Variants in UGGT2 observed in about 807,000 individuals in gnomAD.
UGGT2 encodes the protein UDP-glucose:glycoprotein glucosyltransferase 2.
UGGT2 carries 180 observed loss-of-function variants against 192.1 expected under a neutral mutation model. The ratio of observed to expected loss-of-function variants is 0.94; its 90% CI spans 0.83 to 1.06. The LOEUF (loss-of-function observed/expected upper bound fraction) is 1.06. Ranked by LOEUF, UGGT2 falls within the 50% of genes least tolerant of loss-of-function variation. UGGT2 has a pLI of 0.00. For synonymous variants in UGGT2, 580 were observed against 591.0 expected (o/e 0.98, Z 0.27); for missense variants, 1,849 against 1,795.7 (o/e 1.03, Z -0.54).
At chr13:96,011,604 A>T (rs2052164286) in intron 5 of UGGT2, among the ~76,000 whole-genome samples, 1 of 152,120 alleles carries the variant, frequency 6.6e-6, no homozygotes, top group Admixed American at 6.5e-5. Flanking sequence ...TTTGAGAGAC[A>T]GTTTGGTATA....
intron 26 of UGGT2, 51 bp from the exon 27 acceptor site, chr13:95,884,731 T>C: frequency 2.0e-6 from 3 of 1,495,516 alleles, no homozygotes; most frequent in Non-Finnish European, 2.7e-6. Context: ...GAGATTTTTC[T>C]TTTAAAATAT....
intron 36 of UGGT2, among the ~76,000 whole-genome samples, chr13:95,852,252 C>T (rs1889124786): frequency 6.6e-6 from 1 of 152,100 alleles, no homozygotes; most frequent in South Asian, 2.1e-4. Flanking sequence ...CATCTTTATC[C>T]CAACCATACT....
At chr13:95,896,652 G>A (rs958794763) in intron 22 of UGGT2, among the ~76,000 whole-genome samples, 1 of 152,036 alleles carries the variant, frequency 6.6e-6, no homozygotes, top group Non-Finnish European at 1.5e-5. Flanking sequence ...AAATTTACCA[G>A]AAAACTGGCT....
chr13:95,818,697 C>A (rs972842598), intron 38 of UGGT2, among the ~76,000 whole-genome samples: 18 of 152,056 alleles, frequency 1.2e-4, no homozygotes, highest in African/African-American at 4.3e-4. Flanking sequence ...GGACTGATTA[C>A]TGGGGAGGCA....
At chr13:95,915,205 C>A (rs1293699346) in intron 20 of UGGT2, among the ~76,000 whole-genome samples, 3 of 152,146 alleles carry the variant, frequency 2.0e-5, no homozygotes, top group African/African-American at 7.2e-5. Flanking sequence ...CCCTCAATTC[C>A]TTCAGGTCAT....
In UGGT2 at chr13:95,828,647, A is replaced by G. The variant is rs570238594; in HGVS notation, c.4528+4280T>C. On this transcript the variant is annotated intron_variant, in intron 38 of 38. Coordinates refer to ENST00000376747, the MANE Select transcript of UGGT2 (RefSeq NM_020121.4). ...AAGTTGAATCCCTCAATAGACCAAG[A>G]ACAGACTCTGAAATTGAGGCAATAA... is the stretch of plus-strand genomic sequence containing the variant. Among the ~76,000 whole-genome samples, 22 of 152,292 alleles carry G rather than the reference A, an allele frequency of 1.4e-4. No individual in the cohort carries two copies. In the East Asian group the frequency reaches 4.2e-3, roughly 29 times the overall value.
chr13:95,967,836 A>G (rs772244801), intron 12 of UGGT2, among the ~76,000 whole-genome samples: 2 of 152,198 alleles, frequency 1.3e-5, no homozygotes, highest in Non-Finnish European at 2.9e-5. Context: ...GTTTTTATCA[A>G]TAGGTATTGA....
At chr13:95,907,514 C>T (rs2140318747) in intron 20 of UGGT2, among the ~76,000 whole-genome samples, 1 of 152,304 alleles carries the variant, frequency 6.6e-6, no homozygotes, top group Non-Finnish European at 1.5e-5. Context: ...CGACAGACAC[C>T]TCATATAGGC....
chr13:95,910,219 G>A (rs1163196746), intron 20 of UGGT2, among the ~76,000 whole-genome samples: 4 of 151,974 alleles, frequency 2.6e-5, no homozygotes, highest in East Asian at 1.9e-4. Context: ...TCATAATAAC[G>A]GGATCAAATT....
chr13:95,977,207 T>C (rs2050965278), intron 10 of UGGT2, among the ~76,000 whole-genome samples: 1 of 152,166 alleles, frequency 6.6e-6, no homozygotes, highest in African/African-American at 2.4e-5. Flanking sequence ...TAATGGGATC[T>C]AATCAAACTA....
intron 38 of UGGT2, among the ~76,000 whole-genome samples, chr13:95,806,799 C>CT (rs1045826428): frequency 1.8e-4 from 27 of 152,190 alleles, no homozygotes; most frequent in African/African-American, 6.3e-4. Context: ...GACAGTCTCT[C>CT]TAACAAATTG....
At position 95,863,654 on chromosome 13, in the gene UGGT2, T is replaced by G. The variant is rs762151537; in HGVS notation, c.3619A>C (p.Lys1207Gln). Residue 1207 changes from lysine (K) to glutamine (Q), a missense_variant, in exon 31 of 39, where the codon AAA becomes CAA. Transcript: ENST00000376747. Reference sequence around the variant, plus strand: ...CTTTTAATGGAATCCCACAGTCCTTTTGTTTTTTCATCTTCATCGGTAAGG... The same window carrying G: ...CTTTTAATGGAATCCCACAGTCCTTGTGTTTTTTCATCTTCATCGGTAAGG... The part of the protein sequence containing the change: ...DILTDEDEKT[K>Q]GLWDSIKSFT... 6.2e-7 allele frequency: 1 copy of G among 1,612,418 alleles called. No individual in the cohort carries two copies. Among genetic ancestry groups the G allele is most frequent in the South Asian group, 1.1e-5 (1 of 91,048 alleles).
intron 7 of UGGT2, among the ~76,000 whole-genome samples, chr13:95,994,312 A>G: frequency 6.6e-6 from 1 of 152,110 alleles, no homozygotes; most frequent in South Asian, 2.1e-4. Flanking sequence ...TATAATAAAG[A>G]GGAATATTTA....
chr13:95,877,879 T>G, intron 27 of UGGT2, 23 bp from the exon 28 acceptor site: 1 of 1,594,916 alleles, frequency 6.3e-7, no homozygotes, highest in Non-Finnish European at 8.5e-7. Context: ...TATGTCATTG[T>G]TTTTGGTGTT....
chr13:96,025,335 G>A (rs1167171981), intron 2 of UGGT2, among the ~76,000 whole-genome samples: 1 of 152,134 alleles, frequency 6.6e-6, no homozygotes, highest in African/African-American at 2.4e-5. Flanking sequence ...TGGATATTCT[G>A]ACAAAACTGT....
At chr13:96,001,496 C>T (rs1217514415) in intron 5 of UGGT2, among the ~76,000 whole-genome samples, 1 of 152,174 alleles carries the variant, frequency 6.6e-6, no homozygotes, top group African/African-American at 2.4e-5. Context: ...AAATAAACAG[C>T]CTTGTTGCTC....
intron 20 of UGGT2, among the ~76,000 whole-genome samples, chr13:95,903,736 T>C (rs1701566826): frequency 6.6e-6 from 1 of 152,172 alleles, no homozygotes; most frequent in African/African-American, 2.4e-5. Context: ...CATCTGAGTT[T>C]CTTCCAGTTT....
At chr13:95,811,172 T>C (rs970887418) in intron 38 of UGGT2, among the ~76,000 whole-genome samples, 2 of 152,174 alleles carry the variant, frequency 1.3e-5, no homozygotes, top group African/African-American at 4.8e-5. Flanking sequence ...ATACAGCCAG[T>C]GGTTTTGGAA....
chr13:95,877,949 C>T (rs1781921104), intron 27 of UGGT2, 93 bp from the exon 28 acceptor site: 3 of 1,327,398 alleles, frequency 2.3e-6, no homozygotes, highest in African/African-American at 3.0e-5. Flanking sequence ...TAATATTGGC[C>T]AATGTATTTT....
Sources: gnomAD v4.1 joint callset for allele counts (sites outside exome capture counted in the v4.1 genomes callset) on GRCh38, gnomAD v4.1.1 for gene constraint, MANE v1.5 for transcripts, NCBI Gene and HGNC (gene_info 2026-07-23, HGNC 2026-07-21) for gene names.